OR7C1: variants seen among roughly 807,000 people sequenced by gnomAD.
The protein encoded by OR7C1 is olfactory receptor family 7 subfamily C member 1, also known as olfactory receptor 7C1.
For missense variants in OR7C1, 324 were observed against 383.3 expected (o/e 0.85, Z 1.29); for synonymous variants, 152 against 160.7 (o/e 0.95, Z 0.41).
At chr19:14,822,509 T>C (rs1454760738) in intron 1 of OR7C1, among the ~76,000 whole-genome samples, 1 of 149,856 alleles carries the variant, frequency 6.7e-6, no homozygotes, top group Non-Finnish European at 1.5e-5. Flanking sequence ...CTCAGCCTCC[T>C]GAGTAGCTGG....
chr19:14,799,928 T>C, exon 5 of OR7C1: 1 of 1,613,884 alleles, frequency 6.2e-7, no homozygotes, highest in Non-Finnish European at 8.5e-7. Context: ...AAAACAGAGG[T>C]CAGCAAAAGA....
intron 2 of OR7C1, among the ~76,000 whole-genome samples, chr19:14,803,885 A>G (rs929491308): frequency 1.3e-5 from 2 of 151,578 alleles, no homozygotes; most frequent in Non-Finnish European, 2.9e-5. Flanking sequence ...AATTTTTTGT[A>G]TTTTTAGTAG....
intron 1 of OR7C1, among the ~76,000 whole-genome samples, chr19:14,812,120 G>A (rs55665213): frequency 0.012 from 1,736 of 150,262 alleles, 58 homozygotes; most frequent in African/African-American, 0.041. Context: ...CTTGTCAGTG[G>A]ATTAGCAAGG....
At chr19:14,830,308 A>G (rs919654184) in intron 1 of OR7C1, among the ~76,000 whole-genome samples, 3 of 152,242 alleles carry the variant, frequency 2.0e-5, no homozygotes, top group Non-Finnish European at 2.9e-5. Context: ...TTAAAGAAAC[A>G]TAAAAGAGCT....
intron 1 of OR7C1, chr19:14,827,587 A>G (rs1259348300): frequency 6.2e-7 from 1 of 1,614,194 alleles, no homozygotes; most frequent in Admixed American, 1.7e-5. Flanking sequence ...ATTATCTTAG[A>G]GTAAGAGTAA....
Position 14,827,937 on chromosome 19 carries a change from T to C in OR7C1, c.-623+7137A>G. 2.5e-6 allele frequency: 4 copies of C among 1,614,110 alleles called. No homozygotes were observed. Among genetic ancestry groups the C allele is most frequent in the Non-Finnish European group, 2.5e-6 (3 of 1,180,016 alleles). On this transcript the variant is annotated intron_variant, in intron 1 of 4. Coordinates refer to ENST00000641666, the Ensembl canonical transcript of OR7C1. ...AAATCCAGCAAAGAGTATGAAAAAA[T>C]ACATCTGCATGAGGCAGGCTATGTA...
chr19:14,809,797 A>T lies in OR7C1; in HGVS notation c.-435+9T>A, dbSNP rs1267136837. 6.6e-6 allele frequency: 1 copy of T among 152,160 alleles called. No individual in the cohort carries two copies. Among genetic ancestry groups the T allele is most frequent in the African/African-American group, 2.4e-5 (1 of 41,212 alleles). The allele number at this position is 152,160 out of a possible 1,614,324, so 9.4% of individuals were successfully genotyped here. ...TCTTCCCTCCACAAAACTTTCCCAC[A>T]GTACTTACGGGTTTACTCTGGCTTC... On this transcript the variant is annotated intron_variant, in intron 2 of 4. Coordinates refer to ENST00000641666, the Ensembl canonical transcript of OR7C1.
At chr19:14,823,427 G>A (rs1307503343) in intron 1 of OR7C1, among the ~76,000 whole-genome samples, 2 of 152,154 alleles carry the variant, frequency 1.3e-5, no homozygotes, top group Non-Finnish European at 2.9e-5. Context: ...ACTCCAGTCT[G>A]GGCGACAGAG....
exon 5 of OR7C1, chr19:14,799,646 A>G (rs1202663625): frequency 1.2e-6 from 2 of 1,614,120 alleles, no homozygotes; most frequent in South Asian, 2.2e-5. Flanking sequence ...GGACAGCCTC[A>G]AAACAGTCAA....
intron 2 of OR7C1, among the ~76,000 whole-genome samples, chr19:14,801,518 G>A (rs768528386): frequency 6.6e-6 from 1 of 152,146 alleles, no homozygotes; most frequent in Non-Finnish European, 1.5e-5. Context: ...TTAAATTAAT[G>A]CGATTTTAGG....
intron 1 of OR7C1, among the ~76,000 whole-genome samples, chr19:14,815,784 C>CGTGTGT (rs34655691): frequency 0.021 from 3,082 of 146,698 alleles, 42 homozygotes; most frequent in Non-Finnish European, 0.031. Flanking sequence ...TGAGTTTGTG[C>CGTGTGT]GTGTGTGTGT....
intron 2 of OR7C1, among the ~76,000 whole-genome samples, chr19:14,806,069 G>A (rs1402985797): frequency 6.6e-6 from 1 of 151,904 alleles, no homozygotes; most frequent in Non-Finnish European, 1.5e-5. Flanking sequence ...ACTATTTAGA[G>A]TCTAAATGTT....
At chr19:14,803,157 A>C (rs2147645638) in intron 2 of OR7C1, among the ~76,000 whole-genome samples, 1 of 151,998 alleles carries the variant, frequency 6.6e-6, no homozygotes, top group South Asian at 2.1e-4. Flanking sequence ...AAATACAAAA[A>C]TTAGCTGGGT....
chr19:14,813,948 T>C (rs182075728), intron 1 of OR7C1, among the ~76,000 whole-genome samples: 7 of 152,244 alleles, frequency 4.6e-5, no homozygotes, highest in Non-Finnish European at 7.4e-5. Flanking sequence ...CTTTAATAAA[T>C]GCCATTGGGA....
chr19:14,827,177 G>T, intron 1 of OR7C1: 1 of 1,193,030 alleles, frequency 8.4e-7, no homozygotes. Context: ...ACAACAAATT[G>T]AAACTCCCAG....
At chr19:14,800,092 CAGG>C (rs775745262) in exon 5 of OR7C1, 2 of 1,598,992 alleles carry the variant, frequency 1.3e-6, no homozygotes, top group Non-Finnish European at 1.7e-6. Context: ...CTGAAAATCC[CAGG>C]AGGAGAAATT....
chr19:14,827,377 T>C (rs1402809042), intron 1 of OR7C1: 4 of 1,613,288 alleles, frequency 2.5e-6, no homozygotes, highest in East Asian at 4.5e-5. Flanking sequence ...AGACTATAGA[T>C]AAAGGGGTTC....
At chr19:14,830,796 G>A (rs2044824193) in intron 1 of OR7C1, among the ~76,000 whole-genome samples, 1 of 152,134 alleles carries the variant, frequency 6.6e-6, no homozygotes, top group South Asian at 2.1e-4. Flanking sequence ...AGATAGATAA[G>A]CTCTAAGTCT....
exon 5 of OR7C1, chr19:14,799,849 G>C: frequency 6.2e-7 from 1 of 1,614,140 alleles, no homozygotes; most frequent in Non-Finnish European, 8.5e-7. Flanking sequence ...GACTGAGACA[G>C]CCTGCATATG....
Sources: allele counts gnomAD v4.1 joint callset (sites outside exome capture counted in the v4.1 genomes callset), GRCh38; gene constraint gnomAD v4.1.1; transcripts MANE v1.5; gene names NCBI Gene and HGNC (gene_info 2026-07-23, HGNC 2026-07-21).